ZFYVE27: variants seen among roughly 807,000 people sequenced by gnomAD.
ZFYVE27 encodes protrudin.
In ZFYVE27, 36 loss-of-function variants were observed where a neutral mutation model predicts 52.8. The observed-to-expected ratio is 0.68, with a 90% CI of 0.52 to 0.90. The LOEUF is 0.90. Ranked by LOEUF, ZFYVE27 falls within the 40% of genes least tolerant of loss-of-function variation. The pLI is 0.00. For synonymous variants in ZFYVE27, 223 were observed against 215.6 expected (o/e 1.03, Z -0.30); for missense variants, 450 against 527.2 (o/e 0.85, Z 1.43).
chr10:97,757,523 T>G, intron 11 of ZFYVE27, 119 bp from the exon 12 acceptor site: 1 of 1,327,956 alleles, frequency 7.5e-7, no homozygotes, highest in Non-Finnish European at 1.1e-6. Flanking sequence ...CTGCTCCACT[T>G]GGGCACCCCC....
intron 3 of ZFYVE27, among the ~76,000 whole-genome samples, chr10:97,743,599 C>G (rs773700404): frequency 6.6e-6 from 1 of 152,194 alleles, no homozygotes; most frequent in East Asian, 1.9e-4. Flanking sequence ...TAAGCTGATT[C>G]AAGGGTCATC....
intron 1 of ZFYVE27, 103 bp from the exon 2 acceptor site, chr10:97,738,374 C>T (rs1038761698): frequency 7.8e-7 from 1 of 1,285,934 alleles, no homozygotes; most frequent in Non-Finnish European, 1.1e-6. Context: ...AGTTCACTTT[C>T]CCTTGCTCAC....
chr10:97,738,048 A>G (rs1011125472), intron 1 of ZFYVE27, among the ~76,000 whole-genome samples: 10 of 152,236 alleles, frequency 6.6e-5, no homozygotes, highest in African/African-American at 2.2e-4. Context: ...ATGTGATGTG[A>G]TAAGTGCTCT....
rs1450001728 is a variant in ZFYVE27, at chr10:97,746,044, TATATATA to T, written c.455+1130_455+1136del. ...ATATATACACATATATATATATATA[TATATATA>T]TTTTTTTTTTTTTTTGAGACAGAGT... is the stretch of plus-strand genomic sequence containing the variant. On this transcript the variant is annotated intron_variant, in intron 4 of 12. Transcript: ENST00000684270. Among the ~76,000 whole-genome samples, 527 of 56,940 alleles carry T rather than the reference TATATATA, an allele frequency of 9.3e-3. 6 individuals are homozygous for T. The highest frequency in any genetic ancestry group is 0.039 in the African/African-American group (502 of 12,712). The allele number at this position is 56,940 out of a possible 152,430, so 37.4% of individuals were successfully genotyped here.
intron 12 of ZFYVE27, chr10:97,758,129 A>G (rs1564839696): frequency 6.2e-6 from 1 of 161,248 alleles, no homozygotes; most frequent in African/African-American, 2.4e-5. Flanking sequence ...AATATAAAAT[A>G]TTTCCTATAC....
chr10:97,740,471 C>G (rs989556635), intron 2 of ZFYVE27, among the ~76,000 whole-genome samples: 3 of 152,212 alleles, frequency 2.0e-5, no homozygotes, highest in African/African-American at 7.2e-5. Context: ...CCGGCACATT[C>G]TTTGTATGTG....
intron 4 of ZFYVE27, 46 bp downstream of exon 4, chr10:97,744,961 A>C: frequency 6.5e-7 from 1 of 1,539,584 alleles, no homozygotes; most frequent in Non-Finnish European, 8.7e-7. Context: ...CAGTAACAGC[A>C]GCCATGACAC....
intron 11 of ZFYVE27, 63 bp downstream of exon 11, chr10:97,757,374 A>G (rs1590110390): frequency 6.2e-7 from 1 of 1,608,392 alleles, no homozygotes; most frequent in Non-Finnish European, 8.5e-7. Context: ...GGTGGGGAGG[A>G]GTTGAGGGGA....
At chr10:97,758,622 C>T (rs1021419949) in intron 12 of ZFYVE27, among the ~76,000 whole-genome samples, 24 of 152,134 alleles carry the variant, frequency 1.6e-4, no homozygotes, top group African/African-American at 5.6e-4. Flanking sequence ...GCCCCCAGCC[C>T]AAGTTCTTTT....
At position 97,752,795 on chromosome 10, in the gene ZFYVE27, C is replaced by T; in HGVS notation, c.877-62C>T. ...GCTTGGGGGCCCCTCCAGGTAGCTT[C>T]TTTCTTCTTGCTATCTTTTTCTTTC... On this transcript the variant is annotated intron_variant, in intron 8 of 12. Coordinates refer to ENST00000684270, the MANE Select transcript of ZFYVE27 (RefSeq NM_001385875.1). The T allele has an allele frequency of 2.5e-6, 4 of 1,593,614 alleles. No individual in the cohort carries two copies. The South Asian group carries it at 4.5e-5, about 18-fold the overall frequency.
Position 97,759,427 on chromosome 10 carries a change from C to G in ZFYVE27, c.*127C>G. 1.1e-6 allele frequency: 1 copy of G among 933,892 alleles called. No individual in the cohort carries two copies. Among genetic ancestry groups the G allele is most frequent in the Non-Finnish European group, 1.7e-6 (1 of 582,650 alleles). The allele number at this position is 933,892 out of a possible 1,614,324, so 57.9% of individuals were successfully genotyped here. A position where few individuals can be genotyped will look rare whatever the true frequency, so the allele number is the denominator to read the frequency against. ...TGGCCTGAATGCTAGGTAGGCTTCC[C>G]CTTCCTTCCTCACTCTCTCCAGCTG... On this transcript the variant is annotated 3_prime_UTR_variant, in exon 13 of 13. Coordinates refer to ENST00000684270, the MANE Select transcript of ZFYVE27 (RefSeq NM_001385875.1).
chr10:97,750,206 G>A, intron 6 of ZFYVE27, 125 bp from the exon 7 acceptor site: 5 of 1,235,910 alleles, frequency 4.0e-6, no homozygotes, highest in Non-Finnish European at 5.8e-6. Context: ...CTCAGAGTTA[G>A]GAGGGTGACT....
intron 7 of ZFYVE27, 128 bp downstream of exon 7, chr10:97,750,598 A>T: frequency 8.1e-7 from 1 of 1,232,664 alleles, no homozygotes; most frequent in Non-Finnish European, 1.1e-6. Context: ...AACTCCCCTG[A>T]AGTGTTCAAT....
intron 4 of ZFYVE27, among the ~76,000 whole-genome samples, 186 bp downstream of exon 4, chr10:97,745,101 A>G (rs2044823334): frequency 1.3e-5 from 2 of 152,170 alleles, no homozygotes; most frequent in South Asian, 4.1e-4. Context: ...AAAAAGGCTG[A>G]CTTACTTAGC....
intron 6 of ZFYVE27, chr10:97,750,013 C>T (rs987728024): frequency 3.5e-5 from 15 of 428,488 alleles, no homozygotes; most frequent in Middle Eastern, 6.9e-4. Flanking sequence ...GGCACTGAGT[C>T]GCAGAGGCCC....
intron 10 of ZFYVE27, among the ~76,000 whole-genome samples, chr10:97,755,295 C>A (rs963782872): frequency 2.0e-5 from 3 of 152,202 alleles, no homozygotes; most frequent in Non-Finnish European, 4.4e-5. Context: ...GAACCTGGGT[C>A]CTGAGAGCAG....
At chr10:97,749,672 A>C (rs1005356521) in intron 6 of ZFYVE27, 86 bp downstream of exon 6, 2 of 1,100,594 alleles carry the variant, frequency 1.8e-6, no homozygotes, top group Non-Finnish European at 2.8e-6. Flanking sequence ...CTCTACAGCT[A>C]ATCATCAGTT....
chr10:97,742,013 A>T (rs1160164673), intron 2 of ZFYVE27, among the ~76,000 whole-genome samples: 2 of 151,882 alleles, frequency 1.3e-5, no homozygotes, highest in East Asian at 3.9e-4. Flanking sequence ...TGCCCCTGTA[A>T]TCCCAGCTGC....
rs774979151 is a variant in ZFYVE27, at chr10:97,748,309, A to G, written c.496A>G (p.Thr166Ala). 1.9e-6 allele frequency: 3 copies of G among 1,614,162 alleles called. No individual in the cohort carries two copies. Reference protein sequence around the residue: ...LEAFLSRLCCTCEAAYRVLHW... With the variant: ...LEAFLSRLCCACEAAYRVLHW... ...GGCCTTCCTGAGCCGCCTGTGCTGC[A>G]CATGTGAAGCCGCCTACCGCGTGCT... The change falls in exon 5 of 13, where the codon ACA becomes GCA. Residue 166 changes from threonine (T) to alanine (A), a missense_variant. Physicochemically the swap from Thr to Ala is moderately conservative, Grantham distance 58. Coordinates refer to ENST00000684270, the MANE Select transcript of ZFYVE27 (RefSeq NM_001385875.1).
Sources: allele counts gnomAD v4.1 joint callset (sites outside exome capture counted in the v4.1 genomes callset), GRCh38; gene constraint gnomAD v4.1.1; transcripts MANE v1.5; gene names NCBI Gene and HGNC (gene_info 2026-07-23, HGNC 2026-07-21).